MYO10: variants seen among roughly 807,000 people sequenced by gnomAD.
The protein encoded by MYO10 is unconventional myosin-X.
Under a neutral mutation model 257.3 loss-of-function variants are expected in MYO10, and 133 were observed. The ratio of observed to expected loss-of-function variants is 0.52; its 90% confidence interval spans 0.45 to 0.60. The LOEUF (loss-of-function observed/expected upper bound fraction) is 0.60. Ranked by LOEUF, MYO10 falls within the 20% of genes least tolerant of loss-of-function variation. The probability of loss-of-function intolerance (pLI) is 0.00; values close to 1 mark genes in which losing one functional copy is unlikely to be tolerated. For missense variants in MYO10, 2,399 were observed against 2,635.7 expected (o/e 0.91, Z 1.97); for synonymous variants, 1,104 against 1,028.6 (o/e 1.07, Z -1.40).
intron 1 of MYO10, among the ~76,000 whole-genome samples, chr5:16,924,222 A>AG (rs1746069634): frequency 6.6e-6 from 1 of 151,952 alleles, no homozygotes; most frequent in Admixed American, 6.5e-5. Flanking sequence ...CTGGGGGGTG[A>AG]GATGAATGGA....
chr5:16,687,216 G>T (rs937015123), intron 28 of MYO10, among the ~76,000 whole-genome samples: 6 of 151,830 alleles, frequency 4.0e-5, no homozygotes, highest in African/African-American at 1.2e-4. Context: ...AGCTACTCGG[G>T]AGGCTGAGGC....
chr5:16,899,247 C>T (rs968288723), intron 1 of MYO10, among the ~76,000 whole-genome samples: 1 of 152,042 alleles, frequency 6.6e-6, no homozygotes, highest in African/African-American at 2.4e-5. Context: ...CAAAATTCCC[C>T]AGTGACAACC....
In MYO10 at chr5:16,704,616, T is replaced by C; in HGVS notation, c.2239A>G (p.Met747Val). ...RREEEVSHAA[M>V]VIRAHVLGFL... ...CCCAAGACATGGGCCCGAATCACCA[T>C]GGCCGCGTGGCTCACTTCCTCTTCC... The change falls in exon 22 of 41, where the codon ATG becomes GTG. Residue 747 changes from methionine to valine, a missense_variant. Physicochemically the swap from Met to Val is conservative, Grantham distance 21. Coordinates refer to ENST00000513610, the MANE Select transcript of MYO10 (RefSeq NM_012334.3). 3 of 1,613,960 alleles carry C rather than the reference T, an allele frequency of 1.9e-6. No homozygotes were observed. Among genetic ancestry groups the C allele is most frequent in the South Asian group, 1.1e-5 (1 of 91,070 alleles).
intron 2 of MYO10, among the ~76,000 whole-genome samples, chr5:16,823,467 G>GGGGGGGGGGGGGGTTTTTT (rs1561003861): frequency 2.5e-4 from 1 of 3,978 alleles, no homozygotes; most frequent in Admixed American, 1.8e-3. Flanking sequence ...GGGGAGTGGG[G>GGGGGGGGGGGGGGTTTTTT]ATTTTTTTTT....
At chr5:16,835,390 G>T (rs111318792) in intron 2 of MYO10, among the ~76,000 whole-genome samples, 2 of 151,492 alleles carry the variant, frequency 1.3e-5, no homozygotes, top group Non-Finnish European at 1.5e-5. Context: ...AAAATTAGCC[G>T]GGCGTTGTGG....
chr5:16,875,499 G>A (rs1580102755), intron 2 of MYO10, among the ~76,000 whole-genome samples: 1 of 152,178 alleles, frequency 6.6e-6, no homozygotes, highest in Non-Finnish European at 1.5e-5. Flanking sequence ...TAGACTGGGT[G>A]TTGGTGAAGT....
chr5:16,909,550 C>T (rs1745604949), intron 1 of MYO10, among the ~76,000 whole-genome samples: 1 of 151,230 alleles, frequency 6.6e-6, no homozygotes, highest in South Asian at 2.1e-4. Context: ...GACTTATTTA[C>T]CATCACTATT....
intron 12 of MYO10, among the ~76,000 whole-genome samples, chr5:16,764,008 T>C (rs1412205029): frequency 6.6e-6 from 1 of 151,620 alleles, no homozygotes; most frequent in Non-Finnish European, 1.5e-5. Context: ...ATTAGCCGGC[T>C]GTGGTGGCAG....
intron 3 of MYO10, among the ~76,000 whole-genome samples, chr5:16,796,387 AAC>A (rs1202400890): frequency 6.7e-6 from 1 of 150,096 alleles, no homozygotes; most frequent in Non-Finnish European, 1.5e-5. Flanking sequence ...AAAAGAACAG[AAC>A]ACAACACAAA....
intron 26 of MYO10, among the ~76,000 whole-genome samples, chr5:16,695,211 G>GTAA (rs1022350051): frequency 6.6e-6 from 1 of 152,162 alleles, no homozygotes; most frequent in Non-Finnish European, 1.5e-5. Context: ...GTGCGTGCCT[G>GTAA]TAATCCCAGC....
intron 1 of MYO10, among the ~76,000 whole-genome samples, chr5:16,928,022 C>T (rs1746185091): frequency 6.6e-6 from 1 of 152,134 alleles, no homozygotes; most frequent in Non-Finnish European, 1.5e-5. Context: ...TATGAAGAAA[C>T]TCCAACAAAG....
chr5:16,820,357 G>A (rs376241631), intron 2 of MYO10, among the ~76,000 whole-genome samples: 3 of 152,104 alleles, frequency 2.0e-5, no homozygotes, highest in Admixed American at 1.3e-4. Context: ...AGGTACTTGC[G>A]TCTTCCAAAG....
rs1560972595 is a variant in MYO10 at position 16,764,402 on chromosome 5, G to A, written c.1180-6C>T. ...GAGTCCCTGCTGTCTACTGCCTGTGGGAGAGAAACCAGCACAGACTCAGCT... is the reference window on the plus strand; with the variant it reads ...GAGTCCCTGCTGTCTACTGCCTGTGAGAGAGAAACCAGCACAGACTCAGCT... On this transcript the variant is annotated splice_polypyrimidine_tract_variant and splice_region_variant and intron_variant, in intron 11 of 40. Coordinates refer to ENST00000513610, the MANE Select transcript of MYO10 (RefSeq NM_012334.3). The A allele has an allele frequency of 6.2e-7, 1 of 1,613,664 alleles. No individual in the cohort carries two copies. Among genetic ancestry groups the A allele is most frequent in the Non-Finnish European group, 8.5e-7 (1 of 1,179,778 alleles).
At chr5:16,823,467 G>GGGGGGGGGGTTTT (rs1561003861) in intron 2 of MYO10, among the ~76,000 whole-genome samples, 4 of 3,986 alleles carry the variant, frequency 1.0e-3, no homozygotes, top group African/African-American at 2.9e-3. Context: ...GGGGAGTGGG[G>GGGGGGGGGGTTTT]ATTTTTTTTT....
chr5:16,765,753 G>A (rs1370856188), intron 11 of MYO10, among the ~76,000 whole-genome samples: 1 of 152,088 alleles, frequency 6.6e-6, no homozygotes, highest in Non-Finnish European at 1.5e-5. Flanking sequence ...TTATAGTGGA[G>A]GAAACTGAGG....
Position 16,666,672 on chromosome 5 carries a change from A to T in MYO10, c.*20T>A. On this transcript the variant is annotated 3_prime_UTR_variant, in exon 41 of 41. Coordinates refer to ENST00000513610, the MANE Select transcript of MYO10 (RefSeq NM_012334.3). ...GGTGGTGCGTTCAGGTAGCAAAGAC[A>T]GGTGGGCTCTGTCCCGCCTTCACCT... The T allele has an allele frequency of 5.7e-6, 9 of 1,575,812 alleles. No homozygotes were observed. Among genetic ancestry groups the T allele is most frequent in the Non-Finnish European group, 7.7e-6 (9 of 1,162,464 alleles).
rs563924344 is a variant in MYO10, at chr5:16,849,545, T to C, written c.120+28064A>G. Among the ~76,000 whole-genome samples, 5 of 152,356 alleles carry C rather than the reference T, an allele frequency of 3.3e-5. No homozygotes were observed. The East Asian group carries it at 5.8e-4, about 18-fold the overall frequency. The stretch of plus-strand genomic sequence containing the variant: ...TATTCCACAACATTTTCCCATATTA[T>C]GTTAATATGTTACCAATATATTTCA... On this transcript the variant is annotated intron_variant, in intron 2 of 40. Transcript: ENST00000513610.
At chr5:16,809,916 C>G (rs931529911) in intron 3 of MYO10, among the ~76,000 whole-genome samples, 1 of 152,130 alleles carries the variant, frequency 6.6e-6, no homozygotes, top group African/African-American at 2.4e-5. Context: ...CAGCTCTCCC[C>G]GTGATGTGGT....
chr5:16,677,931 T>C (rs546617485), intron 33 of MYO10, among the ~76,000 whole-genome samples: 7 of 151,760 alleles, frequency 4.6e-5, no homozygotes, highest in African/African-American at 1.7e-4. Flanking sequence ...CAGCTAACTT[T>C]TGTATTTTCA....
Sources: gnomAD v4.1 joint callset for allele counts (sites outside exome capture counted in the v4.1 genomes callset) on GRCh38, gnomAD v4.1.1 for gene constraint, MANE v1.5 for transcripts, NCBI Gene and HGNC (gene_info 2026-07-23, HGNC 2026-07-21) for gene names.